SPATA17: variants seen among roughly 807,000 people sequenced by gnomAD.
The protein encoded by SPATA17 is spermatogenesis-associated protein 17.
In SPATA17, 53 loss-of-function variants were observed where a neutral mutation model predicts 62.2. That is an observed-to-expected ratio of 0.85 (90% CI 0.68 to 1.07). The LOEUF (loss-of-function observed/expected upper bound fraction) is 1.07. SPATA17 is among the 50% of genes least tolerant of loss of function. The pLI is 0.00. For synonymous variants in SPATA17, 146 were observed against 146.8 expected (o/e 0.99, Z 0.04); for missense variants, 466 against 425.5 (o/e 1.10, Z -0.84).
At chr1:217,866,489 C>T (rs1676012987) in intron 10 of SPATA17, 1 of 152,324 alleles carries the variant, frequency 6.6e-6, no homozygotes, top group African/African-American at 2.4e-5. Flanking sequence ...GAGACAGGGT[C>T]TCACTCTGTT....
intron 5 of SPATA17, among the ~76,000 whole-genome samples, chr1:217,689,221 C>CTTTTTTTT (rs200885875): frequency 1.9e-4 from 20 of 102,600 alleles, no homozygotes; most frequent in Non-Finnish European, 2.6e-4. Flanking sequence ...TTTATTATGT[C>CTTTTTTTT]TTTTTTTTTT....
chr1:217,665,258 A>G (rs1453110815), intron 3 of SPATA17: 2 of 152,230 alleles, frequency 1.3e-5, no homozygotes, highest in African/African-American at 4.8e-5. Context: ...GCTTGTGACT[A>G]TACATCTCTC....
intron 5 of SPATA17, among the ~76,000 whole-genome samples, chr1:217,699,035 G>A (rs573644611): frequency 7.9e-5 from 12 of 152,256 alleles, no homozygotes; most frequent in African/African-American, 2.6e-4. Context: ...ATGTGCTCAA[G>A]TTGTTGCATG....
chr1:217,661,887 C>G (rs61574965), intron 3 of SPATA17, among the ~76,000 whole-genome samples: 11 of 152,126 alleles, frequency 7.2e-5, no homozygotes, highest in Admixed American at 2.0e-4. Flanking sequence ...AATAGTCCTA[C>G]TATTTGGGGA....
At chr1:217,775,973 T>A (rs1366112683) in intron 7 of SPATA17, among the ~76,000 whole-genome samples, 1 of 152,166 alleles carries the variant, frequency 6.6e-6, no homozygotes, top group African/African-American at 2.4e-5. Flanking sequence ...TATAACCTGT[T>A]GTTGCTGGGA....
intron 8 of SPATA17, chr1:217,785,036 A>G (rs1673825690): frequency 6.6e-6 from 1 of 152,146 alleles, no homozygotes; most frequent in African/African-American, 2.4e-5. Flanking sequence ...GTGAGAAAGA[A>G]TCTCTTCATG....
intron 1 of SPATA17, among the ~76,000 whole-genome samples, chr1:217,641,224 G>T (rs1670055640): frequency 6.6e-6 from 1 of 152,088 alleles, no homozygotes; most frequent in African/African-American, 2.4e-5. Context: ...GGCAATGCAA[G>T]ATTTGATCTC....
intron 5 of SPATA17, among the ~76,000 whole-genome samples, chr1:217,712,606 G>A (rs1192301128): frequency 6.6e-6 from 1 of 151,930 alleles, no homozygotes; most frequent in Non-Finnish European, 1.5e-5. Flanking sequence ...TTTTGTGAGA[G>A]ACTTCCTTCC....
chr1:217,840,866 T>A (rs899679850), intron 9 of SPATA17, among the ~76,000 whole-genome samples: 5 of 151,614 alleles, frequency 3.3e-5, no homozygotes, highest in African/African-American at 9.7e-5. Context: ...CTCAAAAAAA[T>A]AAATAAATAA....
chr1:217,662,264 A>C (rs907397705), intron 3 of SPATA17, among the ~76,000 whole-genome samples: 1 of 152,170 alleles, frequency 6.6e-6, no homozygotes, highest in Non-Finnish European at 1.5e-5. Context: ...GTATATAATT[A>C]GTTTGATATG....
chr1:217,683,210 A>T, intron 4 of SPATA17, 48 bp from the exon 5 acceptor site: 1 of 1,336,012 alleles, frequency 7.5e-7, no homozygotes, highest in Non-Finnish European at 1.0e-6. Flanking sequence ...TTACATTTTT[A>T]ATAAAAGTGT....
chr1:217,799,608 A>C (rs530160546), intron 8 of SPATA17, among the ~76,000 whole-genome samples: 1 of 152,186 alleles, frequency 6.6e-6, no homozygotes, highest in Admixed American at 6.5e-5. Flanking sequence ...TTTTATTTTA[A>C]ATAGTGTTAG....
chr1:217,822,404 G>A (rs17490996), intron 9 of SPATA17, among the ~76,000 whole-genome samples: 10,878 of 150,966 alleles, frequency 0.072, 451 homozygotes, highest in East Asian at 0.14. Flanking sequence ...TTCTGTTCAC[G>A]AGTTTGTCTT....
At chr1:217,816,991 C>T (rs934085340) in intron 9 of SPATA17, among the ~76,000 whole-genome samples, 38 of 151,902 alleles carry the variant, frequency 2.5e-4, no homozygotes, top group African/African-American at 8.5e-4. Context: ...GTTTTTACTT[C>T]CTTTGGGTTC....
rs1005876367 is a variant in SPATA17, at chr1:217,850,277, T to C, written c.1006-12497T>C. 4 of 367,774 alleles carry C rather than the reference T, an allele frequency of 1.1e-5. No individual in the cohort carries two copies. The Admixed American group carries it at 1.2e-4, about 11-fold the overall frequency. 22.8% of individuals were successfully genotyped at this position (367,774 alleles called of 1,614,324 possible). A position where few individuals can be genotyped will look rare whatever the true frequency, so the allele number is the denominator to read the frequency against. On this transcript the variant is annotated intron_variant, in intron 9 of 10. Coordinates refer to ENST00000366933, the MANE Select transcript of SPATA17 (RefSeq NM_138796.4). ...TTAATGCTACCATGCAACAAAACCTTTATTAACATTTTGAACAGGTTCAAC... is the reference window on the plus strand; with the variant it reads ...TTAATGCTACCATGCAACAAAACCTCTATTAACATTTTGAACAGGTTCAAC...
chr1:217,862,570 G>A (rs1675919816), intron 9 of SPATA17, among the ~76,000 whole-genome samples: 2 of 152,172 alleles, frequency 1.3e-5, no homozygotes, highest in South Asian at 4.1e-4. Context: ...TAAAGACTAT[G>A]TGCCAGGAAA....
intron 8 of SPATA17, among the ~76,000 whole-genome samples, chr1:217,801,062 G>A (rs115816119): frequency 0.011 from 1,627 of 152,242 alleles, 34 homozygotes; most frequent in African/African-American, 0.038. Flanking sequence ...TCTGCTTTTA[G>A]CACCAACATT....
intron 4 of SPATA17, among the ~76,000 whole-genome samples, chr1:217,672,040 A>C (rs1002591610): frequency 6.6e-6 from 1 of 152,292 alleles, no homozygotes; most frequent in African/African-American, 2.4e-5. Context: ...AGTGACTGGA[A>C]CTGAAGCTGT....
intron 6 of SPATA17, among the ~76,000 whole-genome samples, chr1:217,745,586 G>C (rs1442574117): frequency 6.6e-6 from 1 of 152,032 alleles, no homozygotes; most frequent in African/African-American, 2.4e-5. Context: ...CTAAACAAAA[G>C]TATGCAACAC....
Sources: allele counts gnomAD v4.1 joint callset (sites outside exome capture counted in the v4.1 genomes callset), GRCh38; gene constraint gnomAD v4.1.1; transcripts MANE v1.5; gene names NCBI Gene and HGNC (gene_info 2026-07-23, HGNC 2026-07-21).